Variants in LYPLAL1 observed in about 807,000 individuals in gnomAD.
LYPLAL1 encodes the protein lysophospholipase like 1.
A neutral mutation model predicts 19.7 loss-of-function variants in LYPLAL1; 23 were observed. That is an observed-to-expected ratio of 1.17 (90% CI 0.84 to 1.65). The LOEUF (loss-of-function observed/expected upper bound fraction) is 1.65, where lower values mean the gene tolerates loss of function less well. Ranked by LOEUF, LYPLAL1 falls within the 40% of genes most tolerant of loss-of-function variation. The pLI is 0.00. For synonymous variants in LYPLAL1, 119 were observed against 96.3 expected, an observed-to-expected ratio of 1.24 and a Z score of -1.38; for missense variants, 355 against 279.4, an observed-to-expected ratio of 1.27 and a Z score of -1.93.
At chr1:219,284,174 C>T in the LYPLAL1 span, among the ~76,000 whole-genome samples, 3 of 152,184 alleles carry the variant, frequency 2.0e-5, no homozygotes, top group Non-Finnish European at 4.4e-5. Context: ...TTATAAGTTT[C>T]CTGAGGCATC....
At chr1:219,233,820 A>G in the LYPLAL1 span, among the ~76,000 whole-genome samples, 1 of 152,100 alleles carries the variant, frequency 6.6e-6, no homozygotes, top group African/African-American at 2.4e-5. Context: ...TTAGCACTTT[A>G]AATAAAAAAG....
the LYPLAL1 span, among the ~76,000 whole-genome samples, chr1:219,235,374 A>T: frequency 6.6e-6 from 1 of 152,324 alleles, no homozygotes; most frequent in Non-Finnish European, 1.5e-5. Flanking sequence ...CTTGATTACT[A>T]CCAGACCCCT....
chr1:219,273,289 T>C, the LYPLAL1 span: 1 of 152,246 alleles, frequency 6.6e-6, no homozygotes, highest in African/African-American at 2.4e-5. Context: ...TGAATCAACA[T>C]ACAATCTTTC....
the LYPLAL1 span, among the ~76,000 whole-genome samples, chr1:219,288,722 T>C: frequency 2.0e-5 from 3 of 152,156 alleles, no homozygotes; most frequent in Admixed American, 2.0e-4. Context: ...GTGGGAGATG[T>C]TGACAATGGG....
chr1:219,301,745 A>G, the LYPLAL1 span, among the ~76,000 whole-genome samples: 1 of 148,026 alleles, frequency 6.8e-6, no homozygotes. Flanking sequence ...AAGCTCTTCT[A>G]TACTCTCCTA....
the LYPLAL1 span, among the ~76,000 whole-genome samples, chr1:219,424,919 G>A: frequency 1.3e-5 from 2 of 152,190 alleles, no homozygotes; most frequent in Non-Finnish European, 2.9e-5. Flanking sequence ...AGGACTTGTT[G>A]TGGGTATTCT....
chr1:219,333,340 C>A, the LYPLAL1 span, among the ~76,000 whole-genome samples: 1 of 151,988 alleles, frequency 6.6e-6, no homozygotes, highest in African/African-American at 2.4e-5. Flanking sequence ...TGCTCCATTC[C>A]AAGAAGCTCC....
At chr1:219,432,666 G>A in the LYPLAL1 span, among the ~76,000 whole-genome samples, 2 of 152,188 alleles carry the variant, frequency 1.3e-5, no homozygotes, top group African/African-American at 2.4e-5. Context: ...GGGTCTCCTT[G>A]GGAAAGCAGG....
the LYPLAL1 span, among the ~76,000 whole-genome samples, chr1:219,244,951 C>A: frequency 7.1e-6 from 1 of 140,134 alleles, no homozygotes; most frequent in Non-Finnish European, 1.6e-5. Flanking sequence ...CCATAAATTT[C>A]TTCCTTTCTC....
At chr1:219,174,929 G>A (rs924390949) in intron 1 of LYPLAL1, 5 of 985,398 alleles carry the variant, frequency 5.1e-6, no homozygotes, top group Non-Finnish European at 6.0e-6. Context: ...TGAATTGTAA[G>A]AGAAAAAAAT....
chr1:219,303,332 A>T, the LYPLAL1 span, among the ~76,000 whole-genome samples: 1 of 152,346 alleles, frequency 6.6e-6, no homozygotes, highest in East Asian at 1.9e-4. Context: ...CTAGTGGGTA[A>T]TAAAAACAAT....
chr1:219,243,433 G>T, the LYPLAL1 span, among the ~76,000 whole-genome samples: 1 of 152,140 alleles, frequency 6.6e-6, no homozygotes, highest in Non-Finnish European at 1.5e-5. Flanking sequence ...CAAAGAGGCA[G>T]TAAGAATAAA....
chr1:219,303,403 G>C, the LYPLAL1 span, among the ~76,000 whole-genome samples: 2 of 152,154 alleles, frequency 1.3e-5, no homozygotes, highest in Admixed American at 6.5e-5. Context: ...ATAAAACCAG[G>C]TGACAGGAGA....
the LYPLAL1 span, among the ~76,000 whole-genome samples, chr1:219,322,568 C>A: frequency 6.6e-6 from 1 of 151,974 alleles, no homozygotes; most frequent in African/African-American, 2.4e-5. Context: ...TGCTTTTAGG[C>A]ATTCTTCCAG....
intron 3 of LYPLAL1, among the ~76,000 whole-genome samples, chr1:219,199,609 A>AT (rs11339533): frequency 7.0e-5 from 10 of 143,618 alleles, no homozygotes; most frequent in Admixed American, 1.4e-4. Context: ...CGCCCGGCTA[A>AT]TTTTTTTTTT....
the LYPLAL1 span, among the ~76,000 whole-genome samples, chr1:219,279,774 AAAGTCAAAAGGATTTTTCAC>A: frequency 3.3e-5 from 5 of 152,308 alleles, no homozygotes; most frequent in South Asian, 8.3e-4. Flanking sequence ...AGAGAAAACC[AAAGTCAAAAGGATTTTTCAC>A]AGTGAGATTT....
At chr1:219,382,711 A>G in the LYPLAL1 span, among the ~76,000 whole-genome samples, 2 of 152,184 alleles carry the variant, frequency 1.3e-5, no homozygotes, top group African/African-American at 2.4e-5. Flanking sequence ...ACTACCCACC[A>G]TCTCATTCCA....
At chr1:219,355,044 T>C in the LYPLAL1 span, among the ~76,000 whole-genome samples, 1 of 152,188 alleles carries the variant, frequency 6.6e-6, no homozygotes, top group African/African-American at 2.4e-5. Context: ...GTTATCTGAA[T>C]GTAGACTGTG....
chr1:219,260,612 T>TTA, the LYPLAL1 span, among the ~76,000 whole-genome samples: 6 of 148,830 alleles, frequency 4.0e-5, no homozygotes, highest in South Asian at 4.2e-4. Flanking sequence ...AAGAACTTCA[T>TTA]TATATATATA....
Sources: gnomAD v4.1 joint callset for allele counts (sites outside exome capture counted in the v4.1 genomes callset) on GRCh38, gnomAD v4.1.1 for gene constraint, MANE v1.5 for transcripts, NCBI Gene and HGNC (gene_info 2026-07-23, HGNC 2026-07-21) for gene names.